Variants in LINGO2 observed in about 807,000 individuals in gnomAD.
The protein encoded by LINGO2 is leucine-rich repeat and immunoglobulin-like domain-containing nogo receptor-interacting protein 2.
LINGO2 carries 14 observed loss-of-function variants against 30.6 expected under a neutral mutation model. The observed-to-expected ratio is 0.46, with a 90% CI of 0.30 to 0.72. The LOEUF (loss-of-function observed/expected upper bound fraction) is 0.72, where lower values mean the gene tolerates loss of function less well. Among genes scored for constraint, LINGO2 ranks in the 30% least tolerant of loss-of-function variants. The pLI, the probability that LINGO2 is intolerant of heterozygous loss-of-function variation, is 0.07. For missense variants in LINGO2, 729 were observed against 751.7 expected (o/e 0.97, Z 0.35); for synonymous variants, 317 against 288.5 (o/e 1.10, Z -1.00).
intron 1 of LINGO2, among the ~76,000 whole-genome samples, chr9:28,661,347 G>T (rs1430913234): frequency 6.6e-6 from 1 of 152,130 alleles, no homozygotes; most frequent in African/African-American, 2.4e-5. Flanking sequence ...TCCTGGAGTA[G>T]CCAGCCTTGG....
At chr9:28,880,573 ATGTG>A in the LINGO2 span, among the ~76,000 whole-genome samples, 2 of 152,114 alleles carry the variant, frequency 1.3e-5, no homozygotes, top group Non-Finnish European at 2.9e-5. Flanking sequence ...GTTTCTCCCC[ATGTG>A]ATAGTCTGAA....
chr9:28,719,223 G>T, the LINGO2 span, among the ~76,000 whole-genome samples: 1 of 151,912 alleles, frequency 6.6e-6, no homozygotes, highest in South Asian at 2.1e-4. Context: ...GATTCTACCC[G>T]TTTGTGTCTT....
the LINGO2 span, among the ~76,000 whole-genome samples, chr9:29,163,847 A>G: frequency 2.6e-5 from 4 of 152,116 alleles, no homozygotes; most frequent in Non-Finnish European, 2.9e-5. Context: ...ATGCAACAGT[A>G]CCTCCCATCT....
chr9:27,991,721 T>C (rs2119032802), intron 5 of LINGO2, among the ~76,000 whole-genome samples: 1 of 152,200 alleles, frequency 6.6e-6, no homozygotes, highest in South Asian at 2.1e-4. Context: ...TCCCATCTCA[T>C]AAGACTCCTA....
At chr9:28,626,313 G>A (rs1020979738) in intron 1 of LINGO2, among the ~76,000 whole-genome samples, 3 of 151,902 alleles carry the variant, frequency 2.0e-5, no homozygotes, top group Non-Finnish European at 2.9e-5. Context: ...ATATATTCTG[G>A]AGATAAGTAT....
intron 4 of LINGO2, among the ~76,000 whole-genome samples, chr9:28,089,706 A>C (rs977922041): frequency 2.6e-4 from 39 of 152,218 alleles, no homozygotes. Flanking sequence ...GCAAGAAATA[A>C]CTAAGATCAG....
intron 3 of LINGO2, among the ~76,000 whole-genome samples, chr9:28,299,355 T>C (rs72709364): frequency 0.017 from 2,646 of 152,290 alleles, 42 homozygotes; most frequent in African/African-American, 0.04. Flanking sequence ...TGAGGCTTTC[T>C]ACCTTAAAAA....
intron 4 of LINGO2, among the ~76,000 whole-genome samples, chr9:28,140,557 C>T (rs1400021820): frequency 6.6e-6 from 1 of 152,162 alleles, no homozygotes. Flanking sequence ...TGTCTTTGCC[C>T]ATGAAGTTTT....
intron 4 of LINGO2, among the ~76,000 whole-genome samples, chr9:28,171,541 C>T (rs1828581915): frequency 6.6e-6 from 1 of 152,062 alleles, no homozygotes; most frequent in Non-Finnish European, 1.5e-5. Flanking sequence ...AAATGAAGCA[C>T]CTTAAGGGCA....
intron 1 of LINGO2, among the ~76,000 whole-genome samples, chr9:28,631,040 G>T (rs979093794): frequency 6.6e-6 from 1 of 151,596 alleles, no homozygotes; most frequent in Admixed American, 6.6e-5. Context: ...TATTATTTTT[G>T]CAACAGTATG....
the LINGO2 span, among the ~76,000 whole-genome samples, chr9:29,033,713 A>G: frequency 6.6e-6 from 1 of 152,026 alleles, no homozygotes; most frequent in Non-Finnish European, 1.5e-5. Context: ...TAAAAAAAAA[A>G]TAAGTGTTTC....
At chr9:28,544,915 C>G (rs1587833030) in intron 1 of LINGO2, among the ~76,000 whole-genome samples, 1 of 151,220 alleles carries the variant, frequency 6.6e-6, no homozygotes, top group East Asian at 1.9e-4. Context: ...CTTTTAATTG[C>G]CAAATTAGAA....
At chr9:28,286,764 A>G (rs4639595) in intron 4 of LINGO2, among the ~76,000 whole-genome samples, 7,056 of 152,198 alleles carry the variant, frequency 0.046, 501 homozygotes, top group African/African-American at 0.16. Context: ...AATAATGAGA[A>G]CAAATGGTCA....
the LINGO2 span, among the ~76,000 whole-genome samples, chr9:28,852,072 C>T: frequency 2.4e-4 from 37 of 151,926 alleles, no homozygotes; most frequent in Admixed American, 4.6e-4. Context: ...GATAAAAGTA[C>T]CTGTACAACA....
intron 4 of LINGO2, among the ~76,000 whole-genome samples, chr9:28,074,798 AGAT>A (rs1825576821): frequency 1.3e-5 from 2 of 152,152 alleles, no homozygotes; most frequent in South Asian, 4.1e-4. Context: ...TACTAAAAGA[AGAT>A]TTATAATGCA....
chr9:28,702,001 G>T, the LINGO2 span, among the ~76,000 whole-genome samples: 1 of 151,872 alleles, frequency 6.6e-6, no homozygotes, highest in African/African-American at 2.4e-5. Flanking sequence ...ACACTTATGA[G>T]TTCCAGGACT....
the LINGO2 span, among the ~76,000 whole-genome samples, chr9:29,086,748 T>A: frequency 2.0e-5 from 3 of 152,180 alleles, no homozygotes; most frequent in Admixed American, 6.6e-5. Flanking sequence ...TATGAGTTCA[T>A]CATTTGAGCT....
chr9:28,010,896 T>A (rs550844840), intron 5 of LINGO2, among the ~76,000 whole-genome samples: 2 of 152,340 alleles, frequency 1.3e-5, no homozygotes, highest in African/African-American at 4.8e-5. Flanking sequence ...AGTTCGAGGC[T>A]GCAGTGAGCC....
chr9:28,172,025 A>AAC (rs1372304111), intron 4 of LINGO2, among the ~76,000 whole-genome samples: 5 of 88,024 alleles, frequency 5.7e-5, no homozygotes, highest in Admixed American at 2.1e-4. Context: ...TCAAAAAAAA[A>AAC]AAAAAAAACA....
Sources: allele counts gnomAD v4.1 joint callset (sites outside exome capture counted in the v4.1 genomes callset), GRCh38; gene constraint gnomAD v4.1.1; transcripts MANE v1.5; gene names NCBI Gene and HGNC (gene_info 2026-07-23, HGNC 2026-07-21).